The following NCKAP5 variants were observed in gnomAD, a reference collection of about 807,000 sequenced individuals.
The protein encoded by NCKAP5 is nck-associated protein 5.
NCKAP5 carries 92 observed loss-of-function variants against 167.0 expected under a neutral mutation model. The ratio of observed to expected loss-of-function variants is 0.55; its 90% CI spans 0.47 to 0.66. NCKAP5 has a LOEUF of 0.66. Ranked by LOEUF, NCKAP5 falls within the 30% of genes least tolerant of loss-of-function variation. The pLI is 0.00. For missense variants in NCKAP5, 2,378 were observed against 2,315.0 expected, an observed-to-expected ratio of 1.03 and a Z score of -0.56; for synonymous variants, 891 against 877.4, an observed-to-expected ratio of 1.02 and a Z score of -0.27.
intron 6 of NCKAP5, chr2:133,123,927 C>T (rs2082324700): frequency 2.6e-6 from 1 of 384,222 alleles, no homozygotes; most frequent in Non-Finnish European, 5.5e-6. Context: ...CTACAGTTTC[C>T]AAATGGGCAG....
At chr2:132,924,041 T>G (rs1459829843) in intron 8 of NCKAP5, among the ~76,000 whole-genome samples, 2 of 152,170 alleles carry the variant, frequency 1.3e-5, no homozygotes, top group Non-Finnish European at 2.9e-5. Flanking sequence ...TAAAAGATGC[T>G]TGCTGTCCAG....
chr2:133,431,648 C>T (rs769617296), intron 3 of NCKAP5: 5 of 152,038 alleles, frequency 3.3e-5, no homozygotes, highest in Non-Finnish European at 7.4e-5. Flanking sequence ...TGAGGAGTGG[C>T]CTTTTTGATG....
chr2:133,524,636 A>G (rs1684721386), intron 2 of NCKAP5, among the ~76,000 whole-genome samples: 1 of 152,102 alleles, frequency 6.6e-6, no homozygotes, highest in South Asian at 2.1e-4. Context: ...ACTGCTCTCC[A>G]TGTGCACCTA....
At chr2:133,318,384 A>C (rs1681766706) in intron 3 of NCKAP5, among the ~76,000 whole-genome samples, 1 of 152,154 alleles carries the variant, frequency 6.6e-6, no homozygotes, top group African/African-American at 2.4e-5. Flanking sequence ...ATGTGAAGTA[A>C]TTTGAGATTA....
At chr2:133,540,141 A>G (rs917134698) in intron 2 of NCKAP5, among the ~76,000 whole-genome samples, 5 of 152,240 alleles carry the variant, frequency 3.3e-5, no homozygotes, top group African/African-American at 9.6e-5. Flanking sequence ...AGATCACACC[A>G]CTGCACTCCA....
At chr2:132,734,368 A>T (rs1461954376) in intron 16 of NCKAP5, among the ~76,000 whole-genome samples, 2 of 152,168 alleles carry the variant, frequency 1.3e-5, no homozygotes, top group African/African-American at 4.8e-5. Context: ...ATTCTGGAAG[A>T]CTGAAATATT....
intron 6 of NCKAP5, among the ~76,000 whole-genome samples, chr2:132,994,505 C>A (rs1245473845): frequency 6.6e-6 from 1 of 152,120 alleles, no homozygotes; most frequent in Non-Finnish European, 1.5e-5. Flanking sequence ...CTCCCAATAT[C>A]CCTCTTCATT....
At chr2:132,676,261 G>C (rs2104986642) in intron 19 of NCKAP5, among the ~76,000 whole-genome samples, 1 of 139,448 alleles carries the variant, frequency 7.2e-6, no homozygotes, top group African/African-American at 2.6e-5. Context: ...TTGAGTTTCT[G>C]AGCTAGGGAT....
At chr2:133,397,784 TG>T (rs1214186228) in intron 3 of NCKAP5, among the ~76,000 whole-genome samples, 1 of 152,186 alleles carries the variant, frequency 6.6e-6, no homozygotes, top group African/African-American at 2.4e-5. Context: ...GTATAAGGAG[TG>T]TTTTATCTAA....
At chr2:132,675,101 C>G (rs1684263826) in intron 19 of NCKAP5, among the ~76,000 whole-genome samples, 1 of 152,180 alleles carries the variant, frequency 6.6e-6, no homozygotes, top group South Asian at 2.1e-4. Context: ...TTTTTCTTGC[C>G]TATTTCTCAT....
the NCKAP5 span, among the ~76,000 whole-genome samples, chr2:133,671,486 G>A: frequency 6.6e-6 from 1 of 152,038 alleles, no homozygotes; most frequent in Non-Finnish European, 1.5e-5. Flanking sequence ...TTGGTTAATG[G>A]ATTAATGGGT....
intron 5 of NCKAP5, among the ~76,000 whole-genome samples, chr2:133,135,273 G>T (rs567898385): frequency 6.6e-6 from 1 of 152,320 alleles, no homozygotes; most frequent in South Asian, 2.1e-4. Context: ...GGCGAAGAGA[G>T]GGGACCAGCA....
At chr2:133,093,615 T>C (rs2081257959) in intron 6 of NCKAP5, among the ~76,000 whole-genome samples, 2 of 152,198 alleles carry the variant, frequency 1.3e-5, no homozygotes, top group African/African-American at 2.4e-5. Flanking sequence ...TTATCTCTAA[T>C]AGAAATGTTC....
At chr2:133,611,480 A>G in the NCKAP5 span, among the ~76,000 whole-genome samples, 3 of 152,162 alleles carry the variant, frequency 2.0e-5, no homozygotes, top group Non-Finnish European at 4.4e-5. Flanking sequence ...CAATTTCCCA[A>G]GATTCTGTGT....
chr2:133,061,882 T>A (rs1025221228), intron 6 of NCKAP5, among the ~76,000 whole-genome samples: 1 of 152,152 alleles, frequency 6.6e-6, no homozygotes, highest in East Asian at 1.9e-4. Flanking sequence ...CCTAAACACC[T>A]TTCTCCACTC....
chr2:132,920,756 T>C lies in NCKAP5; in HGVS notation c.580-41840A>G, dbSNP rs1319275059. 4.8e-5 allele frequency among the ~76,000 whole-genome samples: 4 copies of C among 83,042 alleles called. 1 individual carries two copies. The East Asian group carries it at 1.5e-3, about 31-fold the overall frequency. 54.5% of individuals were successfully genotyped at this position (83,042 alleles called of 152,430 possible). Reference sequence around the variant, plus strand: ...ATGTATATATATGTGTATATATATATGTATATATATGTATGTATATATATA... The same window carrying C: ...ATGTATATATATGTGTATATATATACGTATATATATGTATGTATATATATA... On this transcript the variant is annotated intron_variant, in intron 8 of 19. Transcript: ENST00000409261.
intron 6 of NCKAP5, among the ~76,000 whole-genome samples, chr2:133,105,480 A>T (rs961636042): frequency 1.3e-5 from 2 of 152,232 alleles, no homozygotes; most frequent in African/African-American, 4.8e-5. Flanking sequence ...CTCACTCTAC[A>T]TGGGAGAATT....
chr2:132,743,442 A>C (rs1228299153), intron 16 of NCKAP5, among the ~76,000 whole-genome samples: 1 of 151,838 alleles, frequency 6.6e-6, no homozygotes, highest in Non-Finnish European at 1.5e-5. Context: ...TTATATGAAA[A>C]TAGCCTGTAA....
chr2:132,680,620 T>C (rs757419135), intron 19 of NCKAP5, among the ~76,000 whole-genome samples: 3 of 152,032 alleles, frequency 2.0e-5, no homozygotes, highest in Admixed American at 1.3e-4. Context: ...ACAAAGGACA[T>C]TTAAACACCA....
Sources: allele counts gnomAD v4.1 joint callset (sites outside exome capture counted in the v4.1 genomes callset), GRCh38; gene constraint gnomAD v4.1.1; transcripts MANE v1.5; gene names NCBI Gene and HGNC (gene_info 2026-07-23, HGNC 2026-07-21).